The following ERBB4 variants were observed in gnomAD, a reference collection of about 807,000 sequenced individuals.
ERBB4 encodes the protein receptor tyrosine-protein kinase erbB-4.
Under a neutral mutation model 158.0 loss-of-function variants are expected in ERBB4, and 42 were observed. That is an observed-to-expected ratio of 0.27 (90% CI 0.21 to 0.34). The LOEUF (loss-of-function observed/expected upper bound fraction) is 0.34. ERBB4 is among the 10% of genes least tolerant of loss of function. The probability of loss-of-function intolerance (pLI) is 1.00; values close to 1 mark genes in which losing one functional copy is unlikely to be tolerated. For synonymous variants in ERBB4, 583 were observed against 558.7 expected (o/e 1.04, Z -0.61); for missense variants, 1,333 against 1,624.1 (o/e 0.82, Z 3.08).
chr2:212,533,266 T>C (rs974398619), intron 1 of ERBB4, among the ~76,000 whole-genome samples: 1 of 152,236 alleles, frequency 6.6e-6, no homozygotes, highest in Non-Finnish European at 1.5e-5. Context: ...AGATTACATG[T>C]GCAATTTAGA....
intron 2 of ERBB4, among the ~76,000 whole-genome samples, chr2:211,949,909 G>T (rs1282088962): frequency 6.6e-6 from 1 of 152,018 alleles, no homozygotes; most frequent in Non-Finnish European, 1.5e-5. Flanking sequence ...ATCAGATTTA[G>T]TATTCGTAAC....
intron 1 of ERBB4, among the ~76,000 whole-genome samples, chr2:212,516,214 A>G (rs1691833892): frequency 6.6e-6 from 1 of 152,092 alleles, no homozygotes; most frequent in Non-Finnish European, 1.5e-5. Context: ...AAGTACTAAT[A>G]GTAGTGATTA....
At chr2:211,862,699 T>A (rs2078091942) in intron 3 of ERBB4, among the ~76,000 whole-genome samples, 1 of 152,226 alleles carries the variant, frequency 6.6e-6, no homozygotes, top group East Asian at 1.9e-4. Flanking sequence ...TGCATAAAAC[T>A]GATATATCAG....
chr2:212,063,763 C>T (rs1410100254), intron 2 of ERBB4, among the ~76,000 whole-genome samples: 6 of 152,068 alleles, frequency 3.9e-5, no homozygotes, highest in East Asian at 1.9e-4. Flanking sequence ...ATAGCAAAAT[C>T]GTATGCGTTT....
intron 1 of ERBB4, among the ~76,000 whole-genome samples, chr2:212,178,864 T>A (rs960779701): frequency 6.6e-6 from 1 of 151,574 alleles, no homozygotes; most frequent in Non-Finnish European, 1.5e-5. Flanking sequence ...AGAAAAAAAA[T>A]TATAGTCTAG....
At chr2:212,178,947 G>T (rs571676961) in intron 1 of ERBB4, among the ~76,000 whole-genome samples, 33 of 151,720 alleles carry the variant, frequency 2.2e-4, no homozygotes, top group African/African-American at 8.0e-4. Context: ...TCTGAATCAA[G>T]ATTTAATTCT....
intron 2 of ERBB4, among the ~76,000 whole-genome samples, chr2:212,044,768 T>C (rs897952205): frequency 2.0e-5 from 3 of 152,180 alleles, no homozygotes; most frequent in East Asian, 1.9e-4. Context: ...GTTCAGGGAA[T>C]CTTTTATGTC....
intron 3 of ERBB4, among the ~76,000 whole-genome samples, chr2:211,930,604 G>A (rs2080147602): frequency 6.6e-6 from 1 of 152,058 alleles, no homozygotes; most frequent in African/African-American, 2.4e-5. Context: ...CAGAGACCCA[G>A]CCGTGTTATA....
intron 2 of ERBB4, 161 bp downstream of exon 2, chr2:212,124,591 T>C: frequency 1.4e-6 from 1 of 729,660 alleles, no homozygotes; most frequent in Non-Finnish European, 2.3e-6. Context: ...ACTCTTGTTC[T>C]TTTCCTGGGT....
At chr2:211,921,390 G>T (rs2079854143) in intron 3 of ERBB4, among the ~76,000 whole-genome samples, 1 of 151,972 alleles carries the variant, frequency 6.6e-6, no homozygotes, top group Non-Finnish European at 1.5e-5. Flanking sequence ...GTTAGGATAA[G>T]ACTTGTTTTT....
chr2:211,959,235 G>A (rs1435768148), intron 2 of ERBB4, among the ~76,000 whole-genome samples: 1 of 152,050 alleles, frequency 6.6e-6, no homozygotes, highest in African/African-American at 2.4e-5. Context: ...ACACAGTGGT[G>A]AGCAAAATAG....
At chr2:211,601,718 A>G (rs2125814910) in intron 19 of ERBB4, among the ~76,000 whole-genome samples, 1 of 152,090 alleles carries the variant, frequency 6.6e-6, no homozygotes, top group South Asian at 2.1e-4. Context: ...CTATCAAACA[A>G]GTAGGGGGTA....
intron 3 of ERBB4, among the ~76,000 whole-genome samples, chr2:211,901,476 C>T (rs1001341715): frequency 7.9e-5 from 12 of 152,148 alleles, no homozygotes; most frequent in African/African-American, 1.4e-4. Context: ...CCTGAAGGAG[C>T]GCTCCAAATG....
At chr2:212,158,096 G>A (rs375618568) in intron 1 of ERBB4, among the ~76,000 whole-genome samples, 5 of 152,086 alleles carry the variant, frequency 3.3e-5, no homozygotes, top group African/African-American at 1.2e-4. Context: ...TAAGTGTTTT[G>A]CATTTGTCTC....
At chr2:211,623,260 C>CT (rs1212944021) in intron 18 of ERBB4, among the ~76,000 whole-genome samples, 5 of 151,528 alleles carry the variant, frequency 3.3e-5, no homozygotes, top group African/African-American at 1.2e-4. Context: ...AGAAATATCT[C>CT]TTATTGAAAA....
intron 22 of ERBB4, among the ~76,000 whole-genome samples, chr2:211,427,333 A>G (rs1164018499): frequency 6.6e-6 from 1 of 152,088 alleles, no homozygotes; most frequent in Non-Finnish European, 1.5e-5. Context: ...AGTGGGCATT[A>G]TGCTTTTTAT....
chr2:211,913,619 A>ATGTGTGTGTGTGTGTGTGTGTGTG (rs34762084), intron 3 of ERBB4, among the ~76,000 whole-genome samples: 3 of 132,822 alleles, frequency 2.3e-5, no homozygotes, highest in African/African-American at 8.6e-5. Flanking sequence ...ATATATATAT[A>ATGTGTGTGTGTGTGTGTGTGTGTG]TGTGTGTGTG....
intron 1 of ERBB4, among the ~76,000 whole-genome samples, chr2:212,505,651 T>C (rs772248003): frequency 2.0e-5 from 3 of 148,992 alleles, no homozygotes; most frequent in Non-Finnish European, 4.5e-5. Context: ...TAATGTCTCC[T>C]ACAGGGACAA....
chr2:211,661,668 C>T (rs1300881758), intron 15 of ERBB4, among the ~76,000 whole-genome samples: 1 of 152,106 alleles, frequency 6.6e-6, no homozygotes. Context: ...CTTCCACAAG[C>T]AGCCCTTCTT....
Sources: gnomAD v4.1 joint callset for allele counts (sites outside exome capture counted in the v4.1 genomes callset) on GRCh38, gnomAD v4.1.1 for gene constraint, MANE v1.5 for transcripts, NCBI Gene and HGNC (gene_info 2026-07-23, HGNC 2026-07-21) for gene names.